Variants in MAPK10 observed in about 807,000 individuals in gnomAD.
MAPK10 encodes the protein mitogen-activated protein kinase 10, also known as JNK3 alpha protein kinase.
A neutral mutation model predicts 59.3 loss-of-function variants in MAPK10; 25 were observed. The ratio of observed to expected loss-of-function variants is 0.42; its 90% CI spans 0.31 to 0.59. The LOEUF is 0.59. Among genes scored for constraint, MAPK10 ranks in the 20% least tolerant of loss-of-function variants. The pLI is 0.15. For missense variants in MAPK10, 351 were observed against 568.9 expected (o/e 0.62, Z 3.90); for synonymous variants, 190 against 200.5 (o/e 0.95, Z 0.44).
chr4:86,190,402 A>C (rs539437884), intron 3 of MAPK10, among the ~76,000 whole-genome samples: 2 of 152,154 alleles, frequency 1.3e-5, no homozygotes, highest in African/African-American at 4.8e-5. Context: ...GTAGGCTATT[A>C]ATTACTGCCT....
intron 1 of MAPK10, among the ~76,000 whole-genome samples, chr4:86,472,148 G>A (rs1227277217): frequency 6.6e-6 from 1 of 152,030 alleles, no homozygotes; most frequent in African/African-American, 2.4e-5. Flanking sequence ...TTTTCTGTTT[G>A]AAAAATAAAA....
At chr4:86,352,920 A>G (rs1732337939) in intron 2 of MAPK10, among the ~76,000 whole-genome samples, 1 of 152,186 alleles carries the variant, frequency 6.6e-6, no homozygotes, top group Admixed American at 6.5e-5. Flanking sequence ...TCCCTCTTCA[A>G]CTTTATCTCT....
At chr4:86,511,383 C>T (rs532640941) in intron 1 of MAPK10, among the ~76,000 whole-genome samples, 3 of 151,706 alleles carry the variant, frequency 2.0e-5, no homozygotes, top group Admixed American at 1.3e-4. Flanking sequence ...GTAGGGAGAC[C>T]TTGTCTCTAC....
intron 1 of MAPK10, among the ~76,000 whole-genome samples, chr4:86,486,776 T>C (rs1754028837): frequency 6.6e-6 from 1 of 152,104 alleles, no homozygotes; most frequent in Non-Finnish European, 1.5e-5. Flanking sequence ...GATTGTTTAG[T>C]GGTTGAAAGA....
In MAPK10 at chr4:86,578,155, G is replaced by C. The variant is rs985051749; in HGVS notation, c.-263+15755C>G. Among the ~76,000 whole-genome samples the C allele has an allele frequency of 3.3e-5, 5 of 152,078 alleles. No individual in the cohort carries two copies. The East Asian group carries it at 9.6e-4, about 29-fold the overall frequency. ...TTGCTCCCAACCCCAGGGGACATTTGGCAATACCTAGAGACATTTTTAGTT... is the reference window on the plus strand; with the variant it reads ...TTGCTCCCAACCCCAGGGGACATTTCGCAATACCTAGAGACATTTTTAGTT... On this transcript the variant is annotated intron_variant, in intron 1 of 4. Coordinates refer to the MAPK10 transcript ENST00000502302.
At chr4:86,118,131 C>T (rs1468726347) in intron 4 of MAPK10, among the ~76,000 whole-genome samples, 1 of 152,186 alleles carries the variant, frequency 6.6e-6, no homozygotes, top group Non-Finnish European at 1.5e-5. Context: ...TTGGCTGACA[C>T]TACAATCTTT....
chr4:86,346,733 GAA>G (rs3030114), intron 2 of MAPK10, among the ~76,000 whole-genome samples: 139 of 138,674 alleles, frequency 1.0e-3, no homozygotes, highest in African/African-American at 3.7e-3. Context: ...AGTTTGTTTG[GAA>G]AAAAAAAAAA....
intron 2 of MAPK10, among the ~76,000 whole-genome samples, chr4:86,204,954 G>T (rs1440551997): frequency 6.6e-6 from 1 of 151,864 alleles, no homozygotes; most frequent in African/African-American, 2.4e-5. Flanking sequence ...TGCTGAGATG[G>T]AATATAACAA....
chr4:86,025,002 C>T (rs1749467526), intron 13 of MAPK10: 1 of 152,280 alleles, frequency 6.6e-6, no homozygotes, highest in African/African-American at 2.4e-5. Flanking sequence ...TGTAAAAGTT[C>T]CCATGACATC....
chr4:86,371,976 G>A (rs1165400176), intron 1 of MAPK10, among the ~76,000 whole-genome samples: 2 of 152,204 alleles, frequency 1.3e-5, no homozygotes, highest in African/African-American at 2.4e-5. Flanking sequence ...AGATCAATGA[G>A]ACAGAAGGTT....
At chr4:86,212,652 T>C (rs558568082) in intron 2 of MAPK10, among the ~76,000 whole-genome samples, 1 of 152,264 alleles carries the variant, frequency 6.6e-6, no homozygotes, top group African/African-American at 2.4e-5. Flanking sequence ...ACTGTATTAA[T>C]AAAGCATTCA....
In MAPK10 at chr4:86,269,803, C is replaced by G. The variant is rs143144361; in HGVS notation, c.-6-75396G>C. Among the ~76,000 whole-genome samples the G allele has an allele frequency of 5.8e-3, 882 of 152,180 alleles. 8 individuals are homozygous for G. The highest frequency in any genetic ancestry group is 0.02 in the African/African-American group (830 of 41,548). Reference sequence around the variant, plus strand: ...ACAAAATTGCTTGTCACTATGACAACAAATTCAATATTTGGTGTCACTCCT... The same window carrying G: ...ACAAAATTGCTTGTCACTATGACAAGAAATTCAATATTTGGTGTCACTCCT... On this transcript the variant is annotated intron_variant, in intron 2 of 13. Coordinates refer to ENST00000641462, the MANE Select transcript of MAPK10 (RefSeq NM_138982.4).
At chr4:86,189,990 A>C (rs2079274535) in intron 3 of MAPK10, among the ~76,000 whole-genome samples, 1 of 152,220 alleles carries the variant, frequency 6.6e-6, no homozygotes, top group Admixed American at 6.5e-5. Context: ...CCTTTTCTGC[A>C]TCTATTGAGA....
chr4:86,279,878 G>T (rs2094731102), intron 2 of MAPK10, among the ~76,000 whole-genome samples: 1 of 152,082 alleles, frequency 6.6e-6, no homozygotes, highest in Non-Finnish European at 1.5e-5. Context: ...TTCCAACCCT[G>T]GATCTCCAGT....
intron 11 of MAPK10, among the ~76,000 whole-genome samples, chr4:86,046,858 G>C (rs1422100293): frequency 6.6e-6 from 1 of 151,946 alleles, no homozygotes; most frequent in Non-Finnish European, 1.5e-5. Flanking sequence ...CAGTGTTCTA[G>C]GTAGTTGGGA....
intron 1 of MAPK10, among the ~76,000 whole-genome samples, chr4:86,369,782 AT>A (rs1738475694): frequency 6.6e-6 from 1 of 152,240 alleles, no homozygotes; most frequent in Non-Finnish European, 1.5e-5. Context: ...TGAGTGCAAG[AT>A]AATTAAAACA....
chr4:86,229,647 G>A (rs1014903742), intron 2 of MAPK10, among the ~76,000 whole-genome samples: 2 of 151,868 alleles, frequency 1.3e-5, no homozygotes, highest in Non-Finnish European at 2.9e-5. Flanking sequence ...TTGTATGCAT[G>A]ATTGAAAATG....
chr4:86,184,180 A>T (rs1185027806), intron 3 of MAPK10, among the ~76,000 whole-genome samples: 1 of 152,054 alleles, frequency 6.6e-6, no homozygotes, highest in Non-Finnish European at 1.5e-5. Context: ...TTTTGTTGCC[A>T]TTGCTTTTGG....
rs193151420 is a variant in MAPK10, at chr4:86,075,882, C to T, written c.803-7927G>A. Among the ~76,000 whole-genome samples the T allele has an allele frequency of 8.7e-3, 1,319 of 152,268 alleles. 19 individuals carry two copies. The highest frequency in any genetic ancestry group is 0.03 in the African/African-American group (1,235 of 41,564). Reference sequence around the variant, plus strand: ...GCCCTGCCCCCAGAGGTGGGGCCTACAGTGGCAGGCAGGCCTCCTTGAGCT... The same window carrying T: ...GCCCTGCCCCCAGAGGTGGGGCCTATAGTGGCAGGCAGGCCTCCTTGAGCT... On this transcript the variant is annotated intron_variant, in intron 9 of 13. Transcript: ENST00000641462.
Sources: gnomAD v4.1 joint callset for allele counts (sites outside exome capture counted in the v4.1 genomes callset) on GRCh38, gnomAD v4.1.1 for gene constraint, MANE v1.5 for transcripts, NCBI Gene and HGNC (gene_info 2026-07-23, HGNC 2026-07-21) for gene names.